The following ANKS3 variants were observed in gnomAD, a reference collection of about 807,000 sequenced individuals.
ANKS3 encodes the protein ankyrin repeat and sterile alpha motif domain containing 3.
Under a neutral mutation model 80.7 loss-of-function variants are expected in ANKS3, and 62 were observed. That is an observed-to-expected ratio of 0.77 (90% CI 0.63 to 0.95). The LOEUF (loss-of-function observed/expected upper bound fraction) is 0.95, where lower values mean the gene tolerates loss of function less well. Among genes scored for constraint, ANKS3 ranks in the 40% least tolerant of loss-of-function variants. The pLI is 0.00. For synonymous variants in ANKS3, 489 were observed against 355.3 expected, an observed-to-expected ratio of 1.38 and a Z score of -4.23; for missense variants, 1,150 against 883.6, an observed-to-expected ratio of 1.30 and a Z score of -3.82.
At chr16:4,730,932 A>G (rs1420076572) in intron 2 of ANKS3, among the ~76,000 whole-genome samples, 1 of 152,194 alleles carries the variant, frequency 6.6e-6, no homozygotes, top group Non-Finnish European at 1.5e-5. Context: ...CTCACTGTCT[A>G]ACGGGGACAT....
intron 3 of ANKS3, chr16:4,729,683 A>G: frequency 4.8e-6 from 1 of 209,690 alleles, no homozygotes; most frequent in African/African-American, 2.3e-5. Context: ...CTTTATTTTT[A>G]TTTTGCTTGT....
At chr16:4,697,190 A>T in intron 16 of ANKS3, 86 bp from the exon 17 acceptor site, 1 of 1,562,510 alleles carries the variant, frequency 6.4e-7, no homozygotes, top group South Asian at 1.1e-5. Flanking sequence ...GCAGGATGTG[A>T]CCTGCCCCTC....
chr16:4,699,201 G>A (rs368102357), intron 11 of ANKS3, 25 bp from the exon 12 acceptor site: 4 of 1,612,926 alleles, frequency 2.5e-6, no homozygotes, highest in South Asian at 2.2e-5. Context: ...GGACAGGTTG[G>A]GGGAGGTAGT....
chr16:4,696,804 G>T lies in ANKS3; in HGVS notation c.*104C>A. ...GGGGCCTGATCCTCTGGCCCCCACT[G>T]GGCCTGGGCTGCACATGGCAGCTAC... On this transcript the variant is annotated 3_prime_UTR_variant, in exon 18 of 18. Coordinates refer to ENST00000304283, the MANE Select transcript of ANKS3 (RefSeq NM_133450.4). The T allele has an allele frequency of 3.4e-6, 2 of 595,890 alleles. No individual in the cohort carries two copies. The highest frequency in any genetic ancestry group is 3.0e-5 in the Admixed American group (1 of 33,898). The allele number at this position is 595,890 out of a possible 1,614,324, so 36.9% of individuals were successfully genotyped here.
chr16:4,714,990 CAAAAAAA>C (rs753327026), intron 6 of ANKS3, among the ~76,000 whole-genome samples: 30 of 36,616 alleles, frequency 8.2e-4, no homozygotes, highest in African/African-American at 4.3e-3. Context: ...GACTCTGTCT[CAAAAAAA>C]AAAAAAAAAA....
intron 6 of ANKS3, among the ~76,000 whole-genome samples, chr16:4,719,962 G>C (rs969472807): frequency 3.3e-5 from 5 of 150,810 alleles, no homozygotes; most frequent in Admixed American, 1.3e-4. Flanking sequence ...AGGAGTTCGA[G>C]ACCAGCCTGG....
At chr16:4,721,693 C>A (rs2081109653) in intron 6 of ANKS3, among the ~76,000 whole-genome samples, 1 of 151,078 alleles carries the variant, frequency 6.6e-6, no homozygotes, top group South Asian at 2.1e-4. Context: ...GGCTGGAGTG[C>A]AGTGGCAACA....
intron 15 of ANKS3, among the ~76,000 whole-genome samples, 159 bp downstream of exon 15, chr16:4,697,818 G>GA (rs1289212622): frequency 1.3e-5 from 2 of 152,192 alleles, no homozygotes; most frequent in Non-Finnish European, 1.5e-5. Flanking sequence ...GGTCCCCAGG[G>GA]CCCCCTCTTT....
At chr16:4,721,032 A>G (rs1362047204) in intron 6 of ANKS3, among the ~76,000 whole-genome samples, 1 of 145,988 alleles carries the variant, frequency 6.8e-6, no homozygotes, top group Non-Finnish European at 1.5e-5. Flanking sequence ...GAGGCCAGGC[A>G]CGGTGGCTCA....
In ANKS3 at chr16:4,699,075, G is replaced by C. The variant is rs145984825; in HGVS notation, c.1386C>G (p.Ser462Arg). The C allele has an allele frequency of 1.2e-6, 2 of 1,614,128 alleles. No individual in the cohort carries two copies. Among genetic ancestry groups the C allele is most frequent in the Non-Finnish European group, 1.7e-6 (2 of 1,180,044 alleles). The stretch of plus-strand genomic sequence containing the variant: ...ACGTGATGCCAATTTCCTTCAGGTC[G>C]CTCTCAGTGAGGGTCAGAAAGATGC... ...DLRIFLTLTE[S>R]DLKEIGITLF... Residue 462 changes from serine to arginine, a missense_variant, in exon 12 of 18, where the codon AGC (serine) becomes AGG (arginine). Transcript: ENST00000304283.
intron 6 of ANKS3, among the ~76,000 whole-genome samples, chr16:4,720,103 ACT>A (rs1263884347): frequency 7.0e-6 from 1 of 142,412 alleles, no homozygotes; most frequent in Non-Finnish European, 1.5e-5. Flanking sequence ...CAGAAGTTGC[ACT>A]GAGCTGAGAT....
intron 4 of ANKS3, 53 bp from the exon 5 acceptor site, chr16:4,726,833 G>A (rs1486130594): frequency 2.4e-5 from 39 of 1,600,860 alleles, no homozygotes; most frequent in Middle Eastern, 1.7e-4. Context: ...TGCGTGGGGC[G>A]GGCGCCCTCC....
chr16:4,720,331 G>A (rs1013307208), intron 6 of ANKS3, among the ~76,000 whole-genome samples: 7 of 147,340 alleles, frequency 4.8e-5, no homozygotes, highest in Admixed American at 1.4e-4. Context: ...GCATGGTGGC[G>A]AGTGCCTACA....
Position 4,728,261 on chromosome 16 carries a change from G to A in ANKS3, c.171-1084C>T, listed in dbSNP as rs559405343. 5.3e-5 allele frequency among the ~76,000 whole-genome samples: 8 copies of A among 152,280 alleles called. No homozygotes were observed. In the East Asian group the frequency reaches 1.5e-3, roughly 29 times the overall value. ...GGGGTTTCACCGTGTTAGCCAGGAT[G>A]GTCTCGATCTCCTGACCTCGTGATC... On this transcript the variant is annotated intron_variant, in intron 3 of 17. Coordinates refer to ENST00000304283, the MANE Select transcript of ANKS3 (RefSeq NM_133450.4).
intron 6 of ANKS3, among the ~76,000 whole-genome samples, chr16:4,722,696 T>A (rs963526919): frequency 6.6e-5 from 10 of 151,736 alleles, no homozygotes; most frequent in Admixed American, 5.3e-4. Context: ...GGTGGGTGGA[T>A]TGCCTGAGTT....
Position 4,698,824 on chromosome 16 carries a change from C to T in ANKS3, c.1527G>A (p.Gln509=), listed in dbSNP as rs841214. The change falls in exon 13 of 18, where the codon CAG becomes CAA. Residue 509 remains glutamine, a synonymous_variant. Coordinates refer to ENST00000304283, the MANE Select transcript of ANKS3 (RefSeq NM_133450.4). ...AYADRLEAEM[Q]ELAIQLHKRC... ...CCTTGTGCAGCTGGATGGCGAGCTC[C>T]TGCATCTCAGCCTCCAGCCGGTCGG... 734,790 of 1,605,698 alleles carry T rather than the reference C, an allele frequency of 0.46. 172,130 individuals carry two copies. Among genetic ancestry groups the T allele is most frequent in the East Asian group, 0.65 (29,205 of 44,822 alleles).
Position 4,697,982 on chromosome 16 carries a change from G to A in ANKS3, c.1805C>T (p.Pro602Leu), listed in dbSNP as rs371895652. The A allele has an allele frequency of 2.3e-5, 36 of 1,591,102 alleles. No homozygotes were observed. Among genetic ancestry groups the A allele is most frequent in the East Asian group, 6.7e-5 (3 of 44,550 alleles). Residue 602 changes from proline to leucine, a missense_variant, in exon 15 of 18, where the codon CCA becomes CTA. Pro to Leu is a moderately conservative substitution (Grantham distance 98). Transcript: ENST00000304283. ...GAATLGLAVP[P>L]ADSKGWQASL... ...AGTCAGGCCACTGCTCTTACCAGCTGGGGGGACGGCTAGGCCCAGAGTGGC... is the reference window on the plus strand; with the variant it reads ...AGTCAGGCCACTGCTCTTACCAGCTAGGGGGACGGCTAGGCCCAGAGTGGC...
intron 2 of ANKS3, among the ~76,000 whole-genome samples, chr16:4,730,682 C>T (rs573709079): frequency 6.6e-6 from 1 of 152,184 alleles, no homozygotes; most frequent in East Asian, 1.9e-4. Flanking sequence ...GCCTGGCCAA[C>T]ATGGTGAAAT....
chr16:4,703,867 G>A (rs78832065), intron 8 of ANKS3, among the ~76,000 whole-genome samples: 2 of 116,866 alleles, frequency 1.7e-5, no homozygotes, highest in Non-Finnish European at 4.0e-5. Flanking sequence ...GCACACAAGC[G>A]GCTTCAGACA....
Sources: gnomAD v4.1 joint callset for allele counts (sites outside exome capture counted in the v4.1 genomes callset) on GRCh38, gnomAD v4.1.1 for gene constraint, MANE v1.5 for transcripts, NCBI Gene and HGNC (gene_info 2026-07-23, HGNC 2026-07-21) for gene names.